CIRSR: variants seen among roughly 807,000 people sequenced by gnomAD.
The protein encoded by CIRSR is CBF1 (RBPJ) interacting corepressor 1.
the CIRSR span, chr2:174,369,968 TTGCTCAGCACAG>T: frequency 7.3e-7 from 1 of 1,364,228 alleles, no homozygotes; most frequent in Non-Finnish European, 9.8e-7. Context: ...GCTGATAGAT[TTGCTCAGCACAG>T]GCTTACCAGA....
chr2:174,383,730 A>G, the CIRSR span, among the ~76,000 whole-genome samples: 1 of 151,736 alleles, frequency 6.6e-6, no homozygotes, highest in Non-Finnish European at 1.5e-5. Context: ...AAAAAAAAAA[A>G]AAAAAAAAAA....
the CIRSR span, chr2:174,381,781 A>C: frequency 6.4e-7 from 1 of 1,564,752 alleles, no homozygotes; most frequent in Non-Finnish European, 8.6e-7. Flanking sequence ...AAGCAATCTA[A>C]GTGAAACAAG....
At chr2:174,352,451 A>C in the CIRSR span, among the ~76,000 whole-genome samples, 9 of 152,320 alleles carry the variant, frequency 5.9e-5, no homozygotes, top group African/African-American at 2.2e-4. Context: ...ACTAACAATA[A>C]ATTTTAAAAA....
chr2:174,390,086 G>A, the CIRSR span, among the ~76,000 whole-genome samples: 1 of 152,200 alleles, frequency 6.6e-6, no homozygotes, highest in African/African-American at 2.4e-5. Flanking sequence ...TAGTGGAGCT[G>A]CGAGAAGAGG....
the CIRSR span, among the ~76,000 whole-genome samples, chr2:174,364,669 C>T: frequency 6.6e-6 from 1 of 152,240 alleles, no homozygotes; most frequent in East Asian, 1.9e-4. Flanking sequence ...ACAGGCTCAA[C>T]ACCACATGGA....
At chr2:174,380,896 TGA>T in the CIRSR span, 2 of 1,059,622 alleles carry the variant, frequency 1.9e-6, no homozygotes, top group Admixed American at 2.7e-5. Context: ...GTATACACTA[TGA>T]TATCATGTTA....
the CIRSR span, among the ~76,000 whole-genome samples, chr2:174,358,934 AC>A: frequency 6.6e-6 from 1 of 150,860 alleles, no homozygotes; most frequent in Non-Finnish European, 1.5e-5. Context: ...CTGGTCTCGA[AC>A]TCCTGATTTC....
At chr2:174,359,147 GA>G in the CIRSR span, among the ~76,000 whole-genome samples, 1 of 152,100 alleles carries the variant, frequency 6.6e-6, no homozygotes, top group African/African-American at 2.4e-5. Context: ...CTCAAGAACA[GA>G]TAAAATTCAT....
chr2:174,362,366 A>ACT, the CIRSR span, among the ~76,000 whole-genome samples: 2 of 151,464 alleles, frequency 1.3e-5, no homozygotes, highest in Non-Finnish European at 3.0e-5. Context: ...GAAATATATA[A>ACT]TAAACTGAAA....
the CIRSR span, among the ~76,000 whole-genome samples, chr2:174,357,039 A>G: frequency 6.6e-6 from 1 of 152,214 alleles, no homozygotes; most frequent in East Asian, 1.9e-4. Context: ...AAACTGTCTC[A>G]AAAGTATCTT....
At chr2:174,384,170 A>G in the CIRSR span, among the ~76,000 whole-genome samples, 2 of 152,268 alleles carry the variant, frequency 1.3e-5, no homozygotes, top group East Asian at 3.8e-4. Context: ...ATGTACATAC[A>G]AAAGAGAATT....
At chr2:174,393,729 A>C in the CIRSR span, among the ~76,000 whole-genome samples, 1 of 152,094 alleles carries the variant, frequency 6.6e-6, no homozygotes, top group Non-Finnish European at 1.5e-5. Context: ...TGACATATAA[A>C]AAGCTGTACA....
the CIRSR span, among the ~76,000 whole-genome samples, chr2:174,365,956 A>G: frequency 6.6e-6 from 1 of 152,242 alleles, no homozygotes; most frequent in South Asian, 2.1e-4. Flanking sequence ...TAATATGTTA[A>G]GGGCTCTAAT....
the CIRSR span, among the ~76,000 whole-genome samples, chr2:174,376,754 T>C: frequency 0.52 from 73,399 of 141,626 alleles, 18,869 homozygotes; most frequent in African/African-American, 0.56. Flanking sequence ...GCCAAGATCG[T>C]GCCACCACAC....
At chr2:174,390,203 G>A in the CIRSR span, among the ~76,000 whole-genome samples, 27 of 152,200 alleles carry the variant, frequency 1.8e-4, no homozygotes, top group African/African-American at 5.8e-4. Context: ...CAGGAGAGGG[G>A]TTATACCCTG....
chr2:174,359,204 G>A, the CIRSR span, among the ~76,000 whole-genome samples: 1 of 152,086 alleles, frequency 6.6e-6, no homozygotes, highest in African/African-American at 2.4e-5. Flanking sequence ...GGAGAAGGCA[G>A]CCTGGAAAAG....
At chr2:174,348,355 G>A in the CIRSR span, 1 of 1,328,562 alleles carries the variant, frequency 7.5e-7, no homozygotes, top group Non-Finnish European at 1.0e-6. Flanking sequence ...ACAGTCTAGA[G>A]ATGAAAAATT....
chr2:174,364,404 G>A, the CIRSR span, among the ~76,000 whole-genome samples: 1 of 152,238 alleles, frequency 6.6e-6, no homozygotes, highest in Non-Finnish European at 1.5e-5. Context: ...CAAGCTGTCA[G>A]TGGATCTACC....
chr2:174,356,531 A>AAAGGAAGGAAGGAAGGAAGGAAGGAAGG, the CIRSR span, among the ~76,000 whole-genome samples: 26 of 133,660 alleles, frequency 1.9e-4, no homozygotes, highest in African/African-American at 7.2e-4. Context: ...AAGAAAGAAG[A>AAAGGAAGGAAGGAAGGAAGGAAGGAAGG]AAGGAAGGAA....
Sources: gnomAD v4.1 joint callset for allele counts (sites outside exome capture counted in the v4.1 genomes callset) on GRCh38, gnomAD v4.1.1 for gene constraint, MANE v1.5 for transcripts, NCBI Gene and HGNC (gene_info 2026-07-23, HGNC 2026-07-21) for gene names.